The following KIAA1671 variants were observed in gnomAD, a reference collection of about 807,000 sequenced individuals.
The protein encoded by KIAA1671 is KIAA1671.
A neutral mutation model predicts 131.2 loss-of-function variants in KIAA1671; 52 were observed. That is an observed-to-expected ratio of 0.40 (90% CI 0.32 to 0.50). The LOEUF is 0.50. Among genes scored for constraint, KIAA1671 ranks in the 20% least tolerant of loss-of-function variants. The pLI is 0.73. For missense variants in KIAA1671, 2,360 were observed against 2,364.2 expected (o/e 1.00, Z 0.04); for synonymous variants, 1,003 against 961.6 (o/e 1.04, Z -0.80).
At position 25,177,458 on chromosome 22, in the gene KIAA1671, G is replaced by A. The variant is rs963573609; in HGVS notation, c.5010G>A (p.Glu1670=). 2 of 1,551,648 alleles carry A rather than the reference G, an allele frequency of 1.3e-6. No homozygotes were observed. Among genetic ancestry groups the A allele is most frequent in the African/African-American group, 2.7e-5 (2 of 73,062 alleles). Reference sequence around the variant, plus strand: ...CCCTCCGGCGCAGCCGATTTAGTGAGTCCGAGAGCAGATCACCTTTGGAGG... The same window carrying A: ...CCCTCCGGCGCAGCCGATTTAGTGAATCCGAGAGCAGATCACCTTTGGAGG... The part of the protein sequence containing the change: ...SHSLRRSRFS[E]SESRSPLEDE... The change falls in exon 9 of 13, where the codon GAG becomes GAA. Residue 1670 remains glutamate (E), a synonymous_variant. Transcript: ENST00000358431.
chr22:25,017,108 C>G (rs112011540), intron 1 of KIAA1671, among the ~76,000 whole-genome samples: 2 of 152,024 alleles, frequency 1.3e-5, no homozygotes, highest in African/African-American at 4.8e-5. Context: ...AATGGCTGGG[C>G]GCGGTGGCTC....
At chr22:25,172,423 G>A in intron 7 of KIAA1671, among the ~76,000 whole-genome samples, 1 of 152,184 alleles carries the variant, frequency 6.6e-6, no homozygotes, top group East Asian at 1.9e-4. Context: ...CATCCCGTGT[G>A]GATTTGCCTC....
intron 6 of KIAA1671, among the ~76,000 whole-genome samples, chr22:25,148,321 A>T (rs1441491828): frequency 9.1e-6 from 1 of 110,154 alleles, no homozygotes; most frequent in Non-Finnish European, 1.8e-5. Flanking sequence ...CCTCAGTCCC[A>T]GCCCTCCCAC....
At chr22:25,048,176 G>T (rs1927349264) in intron 5 of KIAA1671, among the ~76,000 whole-genome samples, 1 of 152,204 alleles carries the variant, frequency 6.6e-6, no homozygotes, top group African/African-American at 2.4e-5. Context: ...GAATCAAGAC[G>T]CATGTTTTGA....
intron 1 of KIAA1671, among the ~76,000 whole-genome samples, chr22:24,985,720 G>A (rs1464788540): frequency 6.6e-6 from 1 of 151,714 alleles, no homozygotes; most frequent in Non-Finnish European, 1.5e-5. Context: ...GGGGGAGAGA[G>A]AGAGAGAGTG....
At position 25,097,692 on chromosome 22, in the gene KIAA1671, A is replaced by G. The variant is rs562528313; in HGVS notation, c.4530+48328A>G. 2.4e-4 allele frequency among the ~76,000 whole-genome samples: 37 copies of G among 151,998 alleles called. No homozygotes were observed. The East Asian group carries it at 4.5e-3, about 18-fold the overall frequency. ...GAGGCGGAGCTTGCAGTGAGCCGAG[A>G]TCGCGCCATTGCACTCCAGCCTGGG... On this transcript the variant is annotated intron_variant, in intron 6 of 12. Coordinates refer to ENST00000358431, the MANE Select transcript of KIAA1671 (RefSeq NM_001145206.2).
At chr22:25,182,945 A>G (rs1315383782) in intron 10 of KIAA1671, among the ~76,000 whole-genome samples, 1 of 152,208 alleles carries the variant, frequency 6.6e-6, no homozygotes, top group Non-Finnish European at 1.5e-5. Flanking sequence ...TGCCAACTGT[A>G]TTATGCAATG....
rs1412210147 is a variant in KIAA1671, at chr22:25,029,549, G to A, written c.1541+9G>A. The A allele has an allele frequency of 1.3e-6, 2 of 1,519,670 alleles. No homozygotes were observed. The highest frequency in any genetic ancestry group is 2.5e-5 in the East Asian group (1 of 40,592). 94.1% of individuals were successfully genotyped at this position (1,519,670 alleles called of 1,614,324 possible). A position where few individuals can be genotyped will look rare whatever the true frequency, so the allele number is the denominator to read the frequency against. ...GCGGATTTGACCAAATTGTAAGTAG[G>A]CACATCCCACACCCCTCTCTCAGCC... On this transcript the variant is annotated intron_variant, in intron 3 of 12. Coordinates refer to ENST00000358431, the MANE Select transcript of KIAA1671 (RefSeq NM_001145206.2).
At chr22:25,120,190 C>T (rs759331096) in intron 6 of KIAA1671, among the ~76,000 whole-genome samples, 10 of 152,190 alleles carry the variant, frequency 6.6e-5, no homozygotes, top group South Asian at 6.2e-4. Flanking sequence ...CCACCTGCTA[C>T]GTCATGTCTA....
chr22:24,995,939 G>T (rs1308365660), intron 1 of KIAA1671, among the ~76,000 whole-genome samples: 2 of 152,232 alleles, frequency 1.3e-5, no homozygotes, highest in African/African-American at 4.8e-5. Context: ...CAGACAAGGG[G>T]AGGAGACTGG....
chr22:24,965,950 G>T (rs945663278), intron 1 of KIAA1671, among the ~76,000 whole-genome samples: 1 of 152,128 alleles, frequency 6.6e-6, no homozygotes, highest in Non-Finnish European at 1.5e-5. Flanking sequence ...TAGATTTTGT[G>T]TGTTTATAGG....
At chr22:25,033,379 G>T (rs1926395058) in intron 4 of KIAA1671, among the ~76,000 whole-genome samples, 1 of 151,968 alleles carries the variant, frequency 6.6e-6, no homozygotes. Flanking sequence ...GACAGAGTGA[G>T]ACTTGTCTCT....
chr22:24,996,936 A>G (rs1924171054), intron 1 of KIAA1671, among the ~76,000 whole-genome samples: 1 of 152,122 alleles, frequency 6.6e-6, no homozygotes, highest in African/African-American at 2.4e-5. Flanking sequence ...TGCTAGATTC[A>G]TCCTTAATTG....
intron 6 of KIAA1671, 122 bp downstream of exon 6, chr22:25,049,486 G>C: frequency 3.5e-6 from 4 of 1,141,988 alleles, no homozygotes; most frequent in Non-Finnish European, 4.8e-6. Flanking sequence ...AGGGCAGCAG[G>C]CAACTGTCCA....
chr22:25,046,930 G>C (rs8141336), intron 5 of KIAA1671, among the ~76,000 whole-genome samples: 16,204 of 150,710 alleles, frequency 0.11, 900 homozygotes, highest in African/African-American at 0.13. Flanking sequence ...TGAACCCACA[G>C]ATTTTCCACC....
chr22:25,056,161 C>T (rs1927830342), intron 6 of KIAA1671: 1 of 148,870 alleles, frequency 6.7e-6, no homozygotes, highest in Non-Finnish European at 1.5e-5. Context: ...AGCCACCACG[C>T]CCAGTGGAAT....
intron 6 of KIAA1671, chr22:25,110,914 A>T (rs573639083): frequency 1.3e-5 from 2 of 152,550 alleles, no homozygotes; most frequent in African/African-American, 4.8e-5. Flanking sequence ...ACTGAAATAC[A>T]GCCCTCCCCA....
At chr22:25,086,867 G>A (rs1929752917) in intron 6 of KIAA1671, among the ~76,000 whole-genome samples, 1 of 152,154 alleles carries the variant, frequency 6.6e-6, no homozygotes, top group African/African-American at 2.4e-5. Flanking sequence ...TCTAAATTTA[G>A]AGCCGGCTGA....
At chr22:25,046,192 C>CT (rs1465063794) in intron 5 of KIAA1671, among the ~76,000 whole-genome samples, 1 of 152,026 alleles carries the variant, frequency 6.6e-6, no homozygotes, top group African/African-American at 2.4e-5. Context: ...GACCCAGCTA[C>CT]TTAGGAGGCT....
Sources: allele counts gnomAD v4.1 joint callset (sites outside exome capture counted in the v4.1 genomes callset), GRCh38; gene constraint gnomAD v4.1.1; transcripts MANE v1.5; gene names NCBI Gene and HGNC (gene_info 2026-07-23, HGNC 2026-07-21).